RADIL: variants seen among roughly 807,000 people sequenced by gnomAD.
RADIL encodes the protein ras-associating and dilute domain-containing protein.
Under a neutral mutation model 97.6 loss-of-function variants are expected in RADIL, and 99 were observed. That is an observed-to-expected ratio of 1.01 (90% confidence interval 0.86 to 1.20). The LOEUF (loss-of-function observed/expected upper bound fraction) is 1.20. RADIL is among the 50% of genes most tolerant of loss of function. RADIL has a pLI of 0.00. For synonymous variants in RADIL, 803 were observed against 691.8 expected, an observed-to-expected ratio of 1.16 and a Z score of -2.52; for missense variants, 1,765 against 1,498.9, an observed-to-expected ratio of 1.18 and a Z score of -2.93.
chr7:4,814,998 T>C lies in RADIL; in HGVS notation c.2139+280A>G, dbSNP rs1042755386. ...GGTCATCTCCGAATCTCAAGGTCCTTAATCGTAGTCACACGTACAGAGGCT... is the reference window on the plus strand; with the variant it reads ...GGTCATCTCCGAATCTCAAGGTCCTCAATCGTAGTCACACGTACAGAGGCT... On this transcript the variant is annotated intron_variant, in intron 9 of 14. Transcript: ENST00000399583. This position sits in a 1 kb window ranked among gnomAD's most constrained non-coding sequence, Gnocchi z 4.5. Among the ~76,000 whole-genome samples, 4 of 152,174 alleles carry C rather than the reference T, an allele frequency of 2.6e-5. No homozygotes were observed. The highest frequency in any genetic ancestry group is 6.5e-5 in the Admixed American group (1 of 15,272).
Position 4,799,780 on chromosome 7 carries a change from G to A in RADIL, c.2983-11C>T, listed in dbSNP as rs763184533. 21 of 1,514,122 alleles carry A rather than the reference G, an allele frequency of 1.4e-5. No individual in the cohort carries two copies. The highest frequency in any genetic ancestry group is 4.9e-5 in the East Asian group (2 of 40,830). 93.8% of individuals were successfully genotyped at this position (1,514,122 alleles called of 1,614,324 possible). A position where few individuals can be genotyped will look rare whatever the true frequency, so the allele number is the denominator to read the frequency against. ...GCCCAGGTGCGTGTGCTGGGGACAA[G>A]CAGAGGCCTCAGAGCTCCGCAGGCC... On this transcript the variant is annotated splice_polypyrimidine_tract_variant and intron_variant, in intron 13 of 14. Transcript: ENST00000399583.
chr7:4,836,568 G>A lies in RADIL; in HGVS notation c.573C>T (p.Arg191=), dbSNP rs752242918. 8.7e-6 allele frequency: 14 copies of A among 1,607,568 alleles called. No individual in the cohort carries two copies. Among genetic ancestry groups the A allele is most frequent in the African/African-American group, 5.3e-5 (4 of 74,860 alleles). ...NAQARRLQRS[R]AKGTPTPALG... The stretch of plus-strand genomic sequence containing the variant: ...GGGCCGGGGTCGGGGTTCCCTTCGC[G>A]CGACTCCGCTGCAGCCTCCGGGCCT... The change falls in exon 3 of 15, where the codon CGC becomes CGT. Residue 191 remains arginine, a synonymous_variant. Coordinates refer to ENST00000399583, the MANE Select transcript of RADIL (RefSeq NM_018059.5).
At position 4,835,151 on chromosome 7, in the gene RADIL, G is replaced by C. The variant is rs1447613012; in HGVS notation, c.872C>G (p.Pro291Arg). The change falls in exon 4 of 15, where the codon CCC becomes CGC. Residue 291 changes from proline (P) to arginine (R), a missense_variant. Transcript: ENST00000399583. The surrounding 1 kb of genome is among the most constrained non-coding windows in gnomAD (Gnocchi z 5.8). ...GGTGCAGTGTAGAGGCAGGATGTCG[G>C]GGGCTGAGAGGCTGATGCTGGGCTT... ...SSKPSISLSA[P>R]DILPLHCTIR... The C allele has an allele frequency of 1.2e-6, 2 of 1,611,008 alleles. No homozygotes were observed. The highest frequency in any genetic ancestry group is 1.1e-5 in the South Asian group (1 of 90,756).
intron 2 of RADIL, among the ~76,000 whole-genome samples, chr7:4,852,966 G>A (rs193038145): frequency 1.3e-5 from 2 of 152,216 alleles, no homozygotes; most frequent in South Asian, 4.1e-4. Context: ...GAAAGAAATA[G>A]CGCCCCAAGA....
chr7:4,799,670 C>G lies in RADIL; in HGVS notation c.3082G>C (p.Glu1028Gln), dbSNP rs547876307. The change falls in exon 14 of 15, where the codon GAG becomes CAG. Residue 1028 changes from glutamate to glutamine, a missense_variant. Coordinates refer to ENST00000399583, the MANE Select transcript of RADIL (RefSeq NM_018059.5). ...CCCAGGAGGCTGCTGCCATTCACCT[C>G]CAGGATACGGTCCCCCAGCGACAGG... Reference protein sequence around the residue: ...GRLSLGDRILEVNGSSLLGLG... With the variant: ...GRLSLGDRILQVNGSSLLGLG... The G allele has an allele frequency of 6.3e-6, 10 of 1,596,146 alleles. No homozygotes were observed. The South Asian group carries it at 1.0e-4, about 16-fold the overall frequency.
chr7:4,825,548 A>C (rs751652645), intron 5 of RADIL, among the ~76,000 whole-genome samples: 3 of 152,188 alleles, frequency 2.0e-5, no homozygotes, highest in Non-Finnish European at 2.9e-5. Flanking sequence ...ACACCCAGGA[A>C]GAAAGGAAGA....
In RADIL at chr7:4,801,949, C is replaced by A. The variant is rs1373906485; in HGVS notation, c.2546G>T (p.Cys849Phe). 1.9e-6 allele frequency: 3 copies of A among 1,559,118 alleles called. No individual in the cohort carries two copies. Among genetic ancestry groups the A allele is most frequent in the South Asian group, 2.4e-5 (2 of 84,044 alleles). Residue 849 changes from cysteine (C) to phenylalanine (F), a missense_variant, in exon 12 of 15, where the codon TGC becomes TTC. Coordinates refer to ENST00000399583, the MANE Select transcript of RADIL (RefSeq NM_018059.5). Reference protein sequence around the residue: ...VLDGHLEAPSCPLAPRDPGPA... With the variant: ...VLDGHLEAPSFPLAPRDPGPA... ...GCCAGGGTCCCTGGGAGCCAGGGGG[C>A]AGCTCGGGGCCTCCAGGTGCCCGTC...
intron 2 of RADIL, chr7:4,861,841 C>CCCCACCACCGCGACCTTCACGTCA: frequency 7.2e-7 from 1 of 1,397,802 alleles, no homozygotes. Flanking sequence ...AGGGCACGTC[C>CCCCACCACCGCGACCTTCACGTCA]CCCACCACCG....
In RADIL at chr7:4,821,058, TAC is replaced by T. The variant is rs933944362; in HGVS notation, c.1615+1334_1615+1335del. On this transcript the variant is annotated intron_variant, in intron 6 of 14. Transcript: ENST00000399583. This position sits in a 1 kb window ranked among gnomAD's most constrained non-coding sequence, Gnocchi z 5.2. Reference sequence around the variant, plus strand: ...TCCCAGGGATGGGGACACAGCTGAGTACACAGAGACCCCGCAGCGTCTGGTAG... The same window carrying T: ...TCCCAGGGATGGGGACACAGCTGAGTACAGAGACCCCGCAGCGTCTGGTAG... Among the ~76,000 whole-genome samples, 1 of 152,068 alleles carries T rather than the reference TAC, an allele frequency of 6.6e-6. No individual in the cohort carries two copies. Among genetic ancestry groups the T allele is most frequent in the Non-Finnish European group, 1.5e-5 (1 of 67,984 alleles).
rs34610093 is a variant in RADIL, at chr7:4,853,742, C to CAAAAAA, written c.536-17143_536-17138dup. On this transcript the variant is annotated intron_variant, in intron 2 of 14. Transcript: ENST00000399583. ...GGGCAACAACAGTGAAACTCTGTCTCAAAAAAAAAAAAAAAAAAATACGCT... is the reference window on the plus strand; with the variant it reads ...GGGCAACAACAGTGAAACTCTGTCTCAAAAAAAAAAAAAAAAAAAAAAAAATACGCT... Among the ~76,000 whole-genome samples, 609 of 100,946 alleles carry CAAAAAA rather than the reference C, an allele frequency of 6.0e-3. 13 individuals carry two copies. The highest frequency in any genetic ancestry group is 0.02 in the African/African-American group (554 of 27,340). 66.2% of individuals were successfully genotyped at this position (100,946 alleles called of 152,430 possible). A position where few individuals can be genotyped will look rare whatever the true frequency, so the allele number is the denominator to read the frequency against.
In RADIL at chr7:4,822,464, C is replaced by G; in HGVS notation, c.1545G>C (p.Glu515Asp). The G allele has an allele frequency of 6.2e-7, 1 of 1,613,072 alleles. No individual in the cohort carries two copies. ...PILFWMSNSI[E>D]LLYFIQQKCP... is the part of the protein sequence containing the mutation. ...ATTTCTGCTGGATAAAGTACAGGAG[C>G]TCGATGGAGTTAGACATCCAGAAAA... The change falls in exon 6 of 15, where the codon GAG (glutamate) becomes GAC (aspartate). Residue 515 changes from glutamate (E) to aspartate (D), a missense_variant. Coordinates refer to ENST00000399583, the MANE Select transcript of RADIL (RefSeq NM_018059.5). The surrounding 1 kb of genome is among the most constrained non-coding windows in gnomAD (Gnocchi z 5.3).
chr7:4,803,811 G>A (rs1240254801), intron 10 of RADIL, 57 bp from the exon 11 acceptor site: 5 of 1,468,948 alleles, frequency 3.4e-6, no homozygotes, highest in Non-Finnish European at 3.7e-6. Context: ...TCCCTCGCCA[G>A]GCCGCCCCGC....
Position 4,821,334 on chromosome 7 carries a change from C to G in RADIL, c.1615+1060G>C, listed in dbSNP as rs1365310567. Among the ~76,000 whole-genome samples, 1 of 152,212 alleles carries G rather than the reference C, an allele frequency of 6.6e-6. No homozygotes were observed. Among genetic ancestry groups the G allele is most frequent in the Non-Finnish European group, 1.5e-5 (1 of 68,034 alleles). On this transcript the variant is annotated intron_variant, in intron 6 of 14. Coordinates refer to ENST00000399583, the MANE Select transcript of RADIL (RefSeq NM_018059.5). The surrounding 1 kb of genome is among the most constrained non-coding windows in gnomAD (Gnocchi z 5.2). ...AGAACCAAGGCTTCCCATGAGAGGT[C>G]TGGCCCCCAGTTCCCTGGGCCGGCT...
At chr7:4,868,245 G>C (rs1784173510) in intron 2 of RADIL, among the ~76,000 whole-genome samples, 2 of 152,244 alleles carry the variant, frequency 1.3e-5, no homozygotes, top group South Asian at 4.1e-4. Context: ...TATATTTTTA[G>C]TAGAGACGGG....
At chr7:4,865,474 A>C (rs1583320156) in intron 2 of RADIL, 1 of 771,758 alleles carries the variant, frequency 1.3e-6, no homozygotes, top group East Asian at 2.4e-5. Context: ...TTAATCTGGA[A>C]GTAATGTAAT....
rs751876651 is a variant in RADIL, at chr7:4,877,595, C to T, written c.535+10G>A. ...CCCACGGCTCTTCCTGAACCTGTGG[C>T]CCCCCTCACCTGCCGTGATGGTGTC... On this transcript the variant is annotated intron_variant, in intron 2 of 14. Transcript: ENST00000399583. 6.3e-7 allele frequency: 1 copy of T among 1,577,136 alleles called. No individual in the cohort carries two copies. Among genetic ancestry groups the T allele is most frequent in the South Asian group, 1.2e-5 (1 of 83,470 alleles).
Position 4,802,719 on chromosome 7 carries a change from A to T in RADIL, c.2500-724T>A, listed in dbSNP as rs374962270. 4.2e-5 allele frequency among the ~76,000 whole-genome samples: 4 copies of T among 95,906 alleles called. No individual in the cohort carries two copies. The East Asian group carries it at 1.3e-3, about 32-fold the overall frequency. The allele number at this position is 95,906 out of a possible 152,430, so 62.9% of individuals were successfully genotyped here. ...CGCTGGCTGGGTCCCCTCCCCAGGC[A>T]CCTCGGGGCACGCTGGCTGGGCCCC... On this transcript the variant is annotated intron_variant, in intron 11 of 14. Transcript: ENST00000399583.
Position 4,822,437 on chromosome 7 carries a change from G to A in RADIL, c.1572C>T (p.Cys524=). Residue 524 remains cysteine (C), a synonymous_variant, in exon 6 of 15, where the codon TGC becomes TGT. Coordinates refer to ENST00000399583, the MANE Select transcript of RADIL (RefSeq NM_018059.5). The surrounding 1 kb of genome is among the most constrained non-coding windows in gnomAD (Gnocchi z 5.3). The part of the protein sequence containing the change: ...IELLYFIQQK[C]PLYMQSMEEQ... ...CCTCCATGCTCTGCATGTAGAGTGG[G>A]CATTTCTGCTGGATAAAGTACAGGA... 6.2e-7 allele frequency: 1 copy of A among 1,612,962 alleles called. No individual in the cohort carries two copies. Among genetic ancestry groups the A allele is most frequent in the Non-Finnish European group, 8.5e-7 (1 of 1,179,958 alleles).
At chr7:4,833,399 G>A (rs1783202592) in intron 4 of RADIL, among the ~76,000 whole-genome samples, 1 of 152,154 alleles carries the variant, frequency 6.6e-6, no homozygotes, top group Non-Finnish European at 1.5e-5. Context: ...ACACACTACA[G>A]GGACATCACC....
Sources: gnomAD v4.1 joint callset for allele counts (sites outside exome capture counted in the v4.1 genomes callset) on GRCh38, gnomAD v4.1.1 for gene constraint, Gnocchi (gnomAD v3.1) non-coding constraint, MANE v1.5 for transcripts, NCBI Gene and HGNC (gene_info 2026-07-23, HGNC 2026-07-21) for gene names.